XRCC2: variants seen among roughly 807,000 people sequenced by gnomAD.
XRCC2 encodes the protein DNA repair protein XRCC2.
XRCC2 carries 24 observed loss-of-function variants against 27.3 expected under a neutral mutation model. That is an observed-to-expected ratio of 0.88 (90% confidence interval 0.64 to 1.24). The LOEUF is 1.24. Among genes scored for constraint, XRCC2 ranks in the 50% most tolerant of loss-of-function variants. XRCC2 has a pLI of 0.00. For synonymous variants in XRCC2, 106 were observed against 115.4 expected (o/e 0.92, Z 0.52); for missense variants, 321 against 325.8 (o/e 0.99, Z 0.11).
chr7:152,657,458 C>T (rs558125869), intron 2 of XRCC2, among the ~76,000 whole-genome samples: 1 of 151,880 alleles, frequency 6.6e-6, no homozygotes, highest in East Asian at 2.0e-4. Context: ...CGCCATCATG[C>T]CCAGCTAATT....
chr7:152,675,526 A>C (rs985574680), intron 1 of XRCC2, among the ~76,000 whole-genome samples: 1 of 152,078 alleles, frequency 6.6e-6, no homozygotes, highest in African/African-American at 2.4e-5. Flanking sequence ...TGGGCTGGAA[A>C]CGAATACTAG....
At position 152,644,921 on chromosome 7, in the gene XRCC2, G is replaced by A. The variant is rs1489469206; in HGVS notation, c.*3721C>T. ...TCAACAGTTAGCCGAAGATTCATTC[G>A]ATGAGTCCGATTTTTCTGAAAGAGA... On this transcript the variant is annotated 3_prime_UTR_variant, in exon 3 of 3. Transcript: ENST00000359321. 6.6e-6 allele frequency: 1 copy of A among 152,168 alleles called. No homozygotes were observed. The highest frequency in any genetic ancestry group is 1.5e-5 in the Non-Finnish European group (1 of 68,036). 9.4% of individuals were successfully genotyped at this position (152,168 alleles called of 1,614,324 possible). A position where few individuals can be genotyped will look rare whatever the true frequency, so the allele number is the denominator to read the frequency against.
chr7:152,664,166 T>C (rs2098034606), intron 1 of XRCC2, among the ~76,000 whole-genome samples: 1 of 152,240 alleles, frequency 6.6e-6, no homozygotes, highest in Non-Finnish European at 1.5e-5. Context: ...CTTTGTCCTA[T>C]TGTGTCTCTT....
At chr7:152,670,481 AC>A (rs2098037720) in intron 1 of XRCC2, among the ~76,000 whole-genome samples, 1 of 152,048 alleles carries the variant, frequency 6.6e-6, no homozygotes, top group African/African-American at 2.4e-5. Flanking sequence ...ATTGATGCAA[AC>A]CTCTATTACA....
intron 1 of XRCC2, among the ~76,000 whole-genome samples, chr7:152,665,911 T>C (rs780032805): frequency 1.6e-4 from 25 of 152,294 alleles, no homozygotes; most frequent in Admixed American, 3.3e-4. Context: ...ACTCCTCCCT[T>C]TCCCAACGTG....
chr7:152,668,389 A>G (rs560652553), intron 1 of XRCC2, among the ~76,000 whole-genome samples: 1 of 152,272 alleles, frequency 6.6e-6, no homozygotes, highest in East Asian at 1.9e-4. Flanking sequence ...TCCTCCATGG[A>G]TAAGAAAAGA....
rs1211283181 is a variant in XRCC2, at chr7:152,676,071, A to G, written c.9T>C (p.Ser3=). ...TCCCAGACTCAGCCCTATGGAAGGC[A>G]CTACACATCGCCCCGAAGGCTCGGC... MC[S]AFHRAESGTE... is the part of the protein sequence containing the mutation. The change falls in exon 1 of 3, where the codon AGT becomes AGC. Residue 3 remains serine (S), a synonymous_variant. Transcript: ENST00000359321. 1.2e-6 allele frequency: 2 copies of G among 1,613,700 alleles called. No individual in the cohort carries two copies. Among genetic ancestry groups the G allele is most frequent in the African/African-American group, 2.7e-5 (2 of 74,920 alleles).
At chr7:152,674,698 T>TATATATTATATATATTTTAAA (rs1339404458) in intron 1 of XRCC2, among the ~76,000 whole-genome samples, 5 of 69,732 alleles carry the variant, frequency 7.2e-5, no homozygotes, top group East Asian at 3.2e-4. Context: ...TATTTTTAAA[T>TATATATTATATATATTTTAAA]ATATATTTAT....
Position 152,649,335 on chromosome 7 carries a change from T to G in XRCC2, c.150A>C (p.Glu50Asp), listed in dbSNP as rs746751990. The G allele has an allele frequency of 3.1e-6, 5 of 1,595,888 alleles. No homozygotes were observed. Among genetic ancestry groups the G allele is most frequent in the Non-Finnish European group, 4.3e-6 (5 of 1,171,966 alleles). Residue 50 changes from glutamate (E) to aspartate (D), a missense_variant, in exon 3 of 3, where the codon GAA becomes GAC. Glu to Asp is a conservative substitution (Grantham distance 45). Transcript: ENST00000359321. Reference protein sequence around the residue: ...HGDILEFHGPEGTGKTEMLYH... With the variant: ...HGDILEFHGPDGTGKTEMLYH... ...AAAGCATTTCTGTTTTTCCTGTTCCTTCTGGGCCATGAAATTCAAGAATAT... is the reference window on the plus strand; with the variant it reads ...AAAGCATTTCTGTTTTTCCTGTTCCGTCTGGGCCATGAAATTCAAGAATAT...
At chr7:152,651,975 G>A (rs1299422620) in intron 2 of XRCC2, among the ~76,000 whole-genome samples, 1 of 151,768 alleles carries the variant, frequency 6.6e-6, no homozygotes, top group Non-Finnish European at 1.5e-5. Flanking sequence ...TGACGAGCCT[G>A]GGCAACATAG....
At chr7:152,651,017 G>A (rs994637754) in intron 2 of XRCC2, among the ~76,000 whole-genome samples, 1 of 151,988 alleles carries the variant, frequency 6.6e-6, no homozygotes, top group African/African-American at 2.4e-5. Context: ...TTGGCTTACT[G>A]CAACTTTCGC....
At chr7:152,651,345 T>C (rs1215772174) in intron 2 of XRCC2, among the ~76,000 whole-genome samples, 1 of 151,696 alleles carries the variant, frequency 6.6e-6, no homozygotes, top group Non-Finnish European at 1.5e-5. Context: ...CCCAGCACTT[T>C]GGGAGGTCAA....
intron 1 of XRCC2, among the ~76,000 whole-genome samples, chr7:152,670,045 T>A (rs2098037552): frequency 6.6e-6 from 1 of 151,562 alleles, no homozygotes; most frequent in African/African-American, 2.4e-5. Flanking sequence ...TGCGTGAGAG[T>A]GACTTTTAAT....
chr7:152,671,913 T>A (rs1235327286), intron 1 of XRCC2, among the ~76,000 whole-genome samples: 3 of 152,030 alleles, frequency 2.0e-5, no homozygotes. Flanking sequence ...TAGTGGTGTG[T>A]CCCTTTAGTC....
At chr7:152,674,409 C>T (rs1057213893) in intron 1 of XRCC2, among the ~76,000 whole-genome samples, 1 of 151,878 alleles carries the variant, frequency 6.6e-6, no homozygotes, top group Non-Finnish European at 1.5e-5. Flanking sequence ...GTCAGGAGTT[C>T]GAAACTAGCC....
chr7:152,651,428 TAA>T (rs10628183), intron 2 of XRCC2, among the ~76,000 whole-genome samples: 111,994 of 138,780 alleles, frequency 0.81, 45,281 homozygotes, highest in East Asian at 0.87. Context: ...ACTCTACAAT[TAA>T]AAAAAAAAAA....
chr7:152,655,511 C>A (rs1373432168), intron 2 of XRCC2, among the ~76,000 whole-genome samples: 1 of 152,070 alleles, frequency 6.6e-6, no homozygotes, highest in Non-Finnish European at 1.5e-5. Context: ...GAGTTCAAGA[C>A]CATCCTGGGC....
chr7:152,662,601 C>T (rs1381529498), intron 1 of XRCC2, among the ~76,000 whole-genome samples: 1 of 107,744 alleles, frequency 9.3e-6, no homozygotes, highest in African/African-American at 3.7e-5. Flanking sequence ...GAGACGGAGT[C>T]TCGCTCTGTC....
chr7:152,676,119 GCCA>G lies in XRCC2; in HGVS notation c.-43_-41del. The G allele has an allele frequency of 2.5e-6, 4 of 1,613,180 alleles. No homozygotes were observed. The highest frequency in any genetic ancestry group is 3.4e-6 in the Non-Finnish European group (4 of 1,179,568). Reference sequence around the variant, plus strand: ...GGCGCAGGAGAGACTCAACTTTCCCGCCACCAACGCCATTCACCAACTGCGCAG... The same window carrying G: ...GGCGCAGGAGAGACTCAACTTTCCCGCCAACGCCATTCACCAACTGCGCAG... On this transcript the variant is annotated 5_prime_UTR_variant, in exon 1 of 3. Coordinates refer to ENST00000359321, the MANE Select transcript of XRCC2 (RefSeq NM_005431.2).
Sources: allele counts gnomAD v4.1 joint callset (sites outside exome capture counted in the v4.1 genomes callset), GRCh38; gene constraint gnomAD v4.1.1; transcripts MANE v1.5; gene names NCBI Gene and HGNC (gene_info 2026-07-23, HGNC 2026-07-21).